Variants in MTUS2 observed in about 807,000 individuals in gnomAD.
MTUS2 encodes microtubule associated scaffold protein 2.
Under a neutral mutation model 114.1 loss-of-function variants are expected in MTUS2, and 40 were observed. That is an observed-to-expected ratio of 0.35 (90% CI 0.27 to 0.46). MTUS2 has a LOEUF of 0.46. Ranked by LOEUF, MTUS2 falls within the 20% of genes least tolerant of loss-of-function variation. The pLI is 1.00. For missense variants in MTUS2, 1,679 were observed against 1,705.4 expected, an observed-to-expected ratio of 0.98 and a Z score of 0.27; for synonymous variants, 688 against 672.0, an observed-to-expected ratio of 1.02 and a Z score of -0.37.
intron 2 of MTUS2, among the ~76,000 whole-genome samples, chr13:28,952,279 A>G (rs1266311080): frequency 6.6e-6 from 1 of 152,268 alleles, no homozygotes; most frequent in Non-Finnish European, 1.5e-5. Context: ...AACCTCACAC[A>G]TAACTTTCCA....
Position 29,480,454 on chromosome 13 carries a change from T to C in MTUS2, c.3399+90T>C. The C allele has an allele frequency of 2.3e-6, 3 of 1,333,048 alleles. No individual in the cohort carries two copies. Among genetic ancestry groups the C allele is most frequent in the Non-Finnish European group, 3.0e-6 (3 of 994,912 alleles). 82.6% of individuals were successfully genotyped at this position (1,333,048 alleles called of 1,614,324 possible). A position where few individuals can be genotyped will look rare whatever the true frequency, so the allele number is the denominator to read the frequency against. The stretch of plus-strand genomic sequence containing the variant: ...AGTGCCACATTAGCAAGAAGTCCTA[T>C]TCAGTAGGTGAGCTTTCTGAACAGT... On this transcript the variant is annotated intron_variant, in intron 10 of 15. Transcript: ENST00000612955. The surrounding 1 kb of genome is among the most constrained non-coding windows in gnomAD (Gnocchi z 4.4).
At chr13:29,084,094 C>T (rs992803563) in intron 4 of MTUS2, among the ~76,000 whole-genome samples, 1 of 151,678 alleles carries the variant, frequency 6.6e-6, no homozygotes, top group African/African-American at 2.4e-5. Context: ...TAATGAGATC[C>T]CAGGAATAAA....
At chr13:29,023,323 A>G (rs1435371343) in intron 2 of MTUS2, among the ~76,000 whole-genome samples, 1 of 152,206 alleles carries the variant, frequency 6.6e-6, no homozygotes, top group African/African-American at 2.4e-5. Context: ...AGGCCAGAGT[A>G]AAGCATTTCC....
chr13:29,001,014 A>T (rs1444002750), intron 2 of MTUS2, among the ~76,000 whole-genome samples: 2 of 152,144 alleles, frequency 1.3e-5, no homozygotes, highest in Non-Finnish European at 2.9e-5. Flanking sequence ...GGATCAGGCT[A>T]TTTAATGTAG....
intron 9 of MTUS2, among the ~76,000 whole-genome samples, chr13:29,448,524 T>G (rs1878446894): frequency 6.6e-6 from 1 of 151,992 alleles, no homozygotes; most frequent in Non-Finnish European, 1.5e-5. Context: ...TATTGCCCAA[T>G]TCACCTGCAG....
At chr13:28,910,231 G>T (rs1031155731) in intron 2 of MTUS2, among the ~76,000 whole-genome samples, 7 of 152,018 alleles carry the variant, frequency 4.6e-5, no homozygotes, top group Admixed American at 2.0e-4. Context: ...ATTTCCACAG[G>T]TTTAATTGTT....
At chr13:29,339,135 G>A (rs1329801246) in intron 7 of MTUS2, among the ~76,000 whole-genome samples, 2 of 152,160 alleles carry the variant, frequency 1.3e-5, no homozygotes, top group Admixed American at 1.3e-4. Context: ...TCCTTGGGGT[G>A]TAGGAAGGCC....
At chr13:29,443,293 C>T (rs1370838453) in intron 9 of MTUS2, among the ~76,000 whole-genome samples, 1 of 152,356 alleles carries the variant, frequency 6.6e-6, no homozygotes, top group African/African-American at 2.4e-5. Context: ...CTTCTGCACT[C>T]CCCATGGGCA....
chr13:29,285,260 T>A (rs1898432603), intron 6 of MTUS2, among the ~76,000 whole-genome samples: 6 of 151,736 alleles, frequency 4.0e-5, no homozygotes, highest in Admixed American at 3.9e-4. Flanking sequence ...CTCATTATTT[T>A]AAAATCTGGT....
chr13:29,372,384 A>G (rs1013777042), intron 8 of MTUS2, among the ~76,000 whole-genome samples: 2 of 152,104 alleles, frequency 1.3e-5, no homozygotes, highest in African/African-American at 4.8e-5. Flanking sequence ...CCATTGAACA[A>G]TTTGACACCA....
intron 6 of MTUS2, among the ~76,000 whole-genome samples, chr13:29,309,746 G>A (rs943220186): frequency 6.6e-6 from 1 of 151,936 alleles, no homozygotes; most frequent in African/African-American, 2.4e-5. Context: ...TGCTTAATAA[G>A]GGCCTGGCAT....
At chr13:29,227,599 A>G (rs1896161584) in intron 5 of MTUS2, among the ~76,000 whole-genome samples, 1 of 152,200 alleles carries the variant, frequency 6.6e-6, no homozygotes, top group African/African-American at 2.4e-5. Context: ...CTGGTGCTAC[A>G]TGGGTTGGCA....
chr13:28,901,355 T>C (rs1382364644), intron 2 of MTUS2, among the ~76,000 whole-genome samples: 1 of 152,208 alleles, frequency 6.6e-6, no homozygotes, highest in Non-Finnish European at 1.5e-5. Context: ...TGAGCAAAAC[T>C]TTTTAATTTT....
At chr13:28,996,405 G>T (rs1365547216) in intron 2 of MTUS2, among the ~76,000 whole-genome samples, 1 of 152,122 alleles carries the variant, frequency 6.6e-6, no homozygotes, top group Non-Finnish European at 1.5e-5. Context: ...GGATGATGCT[G>T]GCCTCATAAA....
intron 2 of MTUS2, among the ~76,000 whole-genome samples, chr13:28,975,144 A>AT (rs146677609): frequency 0.03 from 4,557 of 152,342 alleles, 105 homozygotes; most frequent in Non-Finnish European, 0.048. Context: ...AGGCAGCCCG[A>AT]TTGGATCCAT....
At chr13:28,961,646 CACCTGGAA>C (rs1268146292) in intron 2 of MTUS2, among the ~76,000 whole-genome samples, 2 of 152,022 alleles carry the variant, frequency 1.3e-5, no homozygotes, top group Non-Finnish European at 2.9e-5. Context: ...ATAATCCTAC[CACCTGGAA>C]ATTTTGTCAA....
At chr13:28,947,495 A>G (rs1882593189) in intron 2 of MTUS2, among the ~76,000 whole-genome samples, 1 of 152,178 alleles carries the variant, frequency 6.6e-6, no homozygotes, top group Admixed American at 6.5e-5. Context: ...ATTCATTTAC[A>G]CGGGGTCTTC....
In MTUS2 at chr13:29,127,760, G is replaced by A. The variant is rs149575763; in HGVS notation, c.2644+26790G>A. ...GCTTGCCCTGATTCTCCTCTGATCCGATAGCTGCTCACTGGCAGGAGCCAC... is the reference window on the plus strand; with the variant it reads ...GCTTGCCCTGATTCTCCTCTGATCCAATAGCTGCTCACTGGCAGGAGCCAC... On this transcript the variant is annotated intron_variant, in intron 5 of 15. Coordinates refer to ENST00000612955, the MANE Select transcript of MTUS2 (RefSeq NM_001033602.4). Among the ~76,000 whole-genome samples the A allele has an allele frequency of 3.5e-4, 53 of 152,326 alleles. 1 individual carries two copies. In the East Asian group the frequency reaches 9.6e-3, roughly 28 times the overall value.
intron 5 of MTUS2, among the ~76,000 whole-genome samples, chr13:29,167,211 A>G (rs1005828099): frequency 2.6e-5 from 4 of 151,930 alleles, no homozygotes; most frequent in African/African-American, 9.7e-5. Context: ...TGTTTCTACT[A>G]AAAAATACAA....
Sources: gnomAD v4.1 joint callset for allele counts (sites outside exome capture counted in the v4.1 genomes callset) on GRCh38, gnomAD v4.1.1 for gene constraint, Gnocchi (gnomAD v3.1) non-coding constraint, MANE v1.5 for transcripts, NCBI Gene and HGNC (gene_info 2026-07-23, HGNC 2026-07-21) for gene names.